LRMDA: variants seen among roughly 807,000 people sequenced by gnomAD.
The protein encoded by LRMDA is leucine-rich melanocyte differentiation-associated protein.
LRMDA carries 18 observed loss-of-function variants against 29.8 expected under a neutral mutation model. The ratio of observed to expected loss-of-function variants is 0.60; its 90% CI spans 0.42 to 0.90. The LOEUF (loss-of-function observed/expected upper bound fraction) is 0.90, where lower values mean the gene tolerates loss of function less well. Among genes scored for constraint, LRMDA ranks in the 40% least tolerant of loss-of-function variants. The pLI, the probability that LRMDA is intolerant of heterozygous loss-of-function variation, is 0.00. For synonymous variants in LRMDA, 125 were observed against 109.4 expected (o/e 1.14, Z -0.89); for missense variants, 273 against 273.9 (o/e 1.00, Z 0.02).
intron 6 of LRMDA, among the ~76,000 whole-genome samples, chr10:76,457,055 C>T (rs1009354457): frequency 3.3e-5 from 5 of 152,122 alleles, no homozygotes; most frequent in Admixed American, 6.5e-5. Flanking sequence ...GTCAGAGTCA[C>T]ATTTCATTGT....
intron 2 of LRMDA, among the ~76,000 whole-genome samples, chr10:75,548,373 A>G (rs895527750): frequency 6.6e-6 from 1 of 152,108 alleles, no homozygotes; most frequent in African/African-American, 2.4e-5. Flanking sequence ...CTAGAAGGCC[A>G]CTCTGTGTCC....
Position 76,423,798 on chromosome 10 carries a change from C to T in LRMDA, c.601+99313C>T, listed in dbSNP as rs554611529. Among the ~76,000 whole-genome samples the T allele has an allele frequency of 3.0e-3, 456 of 152,240 alleles. 2 individuals carry two copies. The highest frequency in any genetic ancestry group is 6.7e-3 in the Admixed American group (103 of 15,296). The stretch of plus-strand genomic sequence containing the variant: ...GTCTATTTTTGTTAAACGGTGGACC[C>T]TAATCAACCGAGGAGGTGTTTGTTA... On this transcript the variant is annotated intron_variant, in intron 6 of 6. Coordinates refer to ENST00000611255, the MANE Select transcript of LRMDA (RefSeq NM_001305581.2).
intron 5 of LRMDA, among the ~76,000 whole-genome samples, chr10:76,158,613 T>C (rs1850587148): frequency 1.3e-5 from 2 of 152,180 alleles, no homozygotes; most frequent in African/African-American, 2.4e-5. Context: ...ACAATATTAC[T>C]AAAGATGCAA....
At chr10:75,744,729 T>C (rs575887933) in intron 2 of LRMDA, among the ~76,000 whole-genome samples, 10 of 152,298 alleles carry the variant, frequency 6.6e-5, no homozygotes, top group Admixed American at 2.6e-4. Flanking sequence ...TGCTAGATGT[T>C]CACCTGGGAC....
intron 2 of LRMDA, among the ~76,000 whole-genome samples, chr10:75,950,767 C>T (rs1846560864): frequency 6.6e-6 from 1 of 152,254 alleles, no homozygotes; most frequent in Non-Finnish European, 1.5e-5. Context: ...GCATTGCCCT[C>T]TGCACACAGT....
chr10:76,390,647 C>G (rs1257806954), intron 6 of LRMDA, among the ~76,000 whole-genome samples: 2 of 152,140 alleles, frequency 1.3e-5, no homozygotes, highest in Non-Finnish European at 2.9e-5. Context: ...ATTGCCCCTC[C>G]CATCCAGGTC....
rs117923165 is a variant in LRMDA at position 75,583,627 on chromosome 10, T to C, written c.131+145133T>C. ...ACATGAGATTTAGTGGTGACAAATA[T>C]CCAAACTCTATCAACCTCTAATGCT... On this transcript the variant is annotated intron_variant, in intron 2 of 6. Coordinates refer to ENST00000611255, the MANE Select transcript of LRMDA (RefSeq NM_001305581.2). Among the ~76,000 whole-genome samples the C allele has an allele frequency of 6.8e-3, 1,041 of 152,246 alleles. 3 individuals carry two copies. Among genetic ancestry groups the C allele is most frequent in the Non-Finnish European group, 0.012 (812 of 68,000 alleles).
At chr10:75,599,298 A>G (rs1018527250) in intron 2 of LRMDA, among the ~76,000 whole-genome samples, 1 of 152,196 alleles carries the variant, frequency 6.6e-6, no homozygotes, top group Admixed American at 6.5e-5. Flanking sequence ...AAATGATTTG[A>G]AAAATGACAA....
At chr10:76,423,936 C>T (rs750086194) in intron 6 of LRMDA, among the ~76,000 whole-genome samples, 6 of 152,044 alleles carry the variant, frequency 3.9e-5, no homozygotes, top group Non-Finnish European at 8.8e-5. Context: ...TTCTAGGCTG[C>T]GAGGGAAAAT....
chr10:76,285,540 T>C (rs2132339993), intron 5 of LRMDA, among the ~76,000 whole-genome samples: 1 of 152,318 alleles, frequency 6.6e-6, no homozygotes, highest in Admixed American at 6.5e-5. Context: ...CATGCCCGCA[T>C]TGGCTTTTTG....
At chr10:76,238,679 A>G (rs1404800428) in intron 5 of LRMDA, among the ~76,000 whole-genome samples, 4 of 152,148 alleles carry the variant, frequency 2.6e-5, no homozygotes, top group Admixed American at 2.6e-4. Flanking sequence ...CACACAGATA[A>G]TGTTCGATGA....
intron 2 of LRMDA, among the ~76,000 whole-genome samples, chr10:75,971,863 G>T (rs939152965): frequency 6.6e-6 from 1 of 152,148 alleles, no homozygotes; most frequent in Non-Finnish European, 1.5e-5. Context: ...TTTGAAACAT[G>T]ATCTTTTTGG....
At chr10:76,269,233 C>T (rs917243782) in intron 5 of LRMDA, among the ~76,000 whole-genome samples, 1 of 152,004 alleles carries the variant, frequency 6.6e-6, no homozygotes, top group Non-Finnish European at 1.5e-5. Context: ...AGTAATCGAA[C>T]CCCCCATCTC....
chr10:75,699,060 G>A (rs1842273830), intron 2 of LRMDA, among the ~76,000 whole-genome samples: 1 of 152,098 alleles, frequency 6.6e-6, no homozygotes, highest in Non-Finnish European at 1.5e-5. Context: ...AAATAGTCAG[G>A]TGTGGTGGTG....
chr10:76,350,445 T>G (rs2132431266), intron 6 of LRMDA, among the ~76,000 whole-genome samples: 1 of 152,212 alleles, frequency 6.6e-6, no homozygotes, highest in East Asian at 1.9e-4. Context: ...GACCGATTTT[T>G]TTTTTTTTTG....
intron 2 of LRMDA, among the ~76,000 whole-genome samples, chr10:75,966,882 G>A (rs571626074): frequency 6.6e-6 from 1 of 152,336 alleles, no homozygotes; most frequent in South Asian, 2.1e-4. Flanking sequence ...AGATAGGGAA[G>A]GTACCTCCTT....
intron 2 of LRMDA, among the ~76,000 whole-genome samples, chr10:75,484,395 A>G (rs1268895687): frequency 1.3e-5 from 2 of 152,158 alleles, no homozygotes; most frequent in East Asian, 1.9e-4. Context: ...TAAAATTTCT[A>G]TGAAGTGTGA....
chr10:75,726,230 A>T (rs1282731951), intron 2 of LRMDA, among the ~76,000 whole-genome samples: 1 of 152,216 alleles, frequency 6.6e-6, no homozygotes, highest in Non-Finnish European at 1.5e-5. Context: ...GGGAAAATTC[A>T]TAAGGAGAAG....
At chr10:76,009,436 T>C (rs1373735374) in intron 2 of LRMDA, among the ~76,000 whole-genome samples, 1 of 152,182 alleles carries the variant, frequency 6.6e-6, no homozygotes, top group Non-Finnish European at 1.5e-5. Flanking sequence ...GTGTGATGTC[T>C]TAAAATTCGA....
Sources: allele counts gnomAD v4.1 joint callset (sites outside exome capture counted in the v4.1 genomes callset), GRCh38; gene constraint gnomAD v4.1.1; transcripts MANE v1.5; gene names NCBI Gene and HGNC (gene_info 2026-07-23, HGNC 2026-07-21).